SNTG1: variants seen among roughly 807,000 people sequenced by gnomAD.
SNTG1 encodes the protein gamma-1-syntrophin.
In SNTG1, 39 loss-of-function variants were observed where a neutral mutation model predicts 74.7. The ratio of observed to expected loss-of-function variants is 0.52; its 90% CI spans 0.40 to 0.68. The LOEUF (loss-of-function observed/expected upper bound fraction) is 0.68. Among genes scored for constraint, SNTG1 ranks in the 30% least tolerant of loss-of-function variants. SNTG1 has a pLI of 0.00. For synonymous variants in SNTG1, 254 were observed against 217.1 expected, an observed-to-expected ratio of 1.17 and a Z score of -1.49; for missense variants, 685 against 609.5, an observed-to-expected ratio of 1.12 and a Z score of -1.30.
At chr8:50,651,252 T>C (rs1282898646) in intron 13 of SNTG1, among the ~76,000 whole-genome samples, 3 of 151,570 alleles carry the variant, frequency 2.0e-5, no homozygotes, top group African/African-American at 7.3e-5. Context: ...GGCTTTTGGG[T>C]CTCTCCTTAT....
chr8:50,229,665 T>A (rs978718962), intron 2 of SNTG1, among the ~76,000 whole-genome samples: 6 of 151,184 alleles, frequency 4.0e-5, no homozygotes, highest in Admixed American at 1.3e-4. Flanking sequence ...CCCTTTTTTT[T>A]AAGTAACATT....
intron 1 of SNTG1, among the ~76,000 whole-genome samples, chr8:49,938,611 C>CTTTTCTT (rs71928710): frequency 2.4e-4 from 3 of 12,566 alleles, no homozygotes; most frequent in African/African-American, 3.8e-4. Flanking sequence ...TCTTTTCTTT[C>CTTTTCTT]TTTCTTTCTT....
At chr8:49,918,587 G>A (rs1352631006) in intron 1 of SNTG1, among the ~76,000 whole-genome samples, 1 of 150,258 alleles carries the variant, frequency 6.7e-6, no homozygotes, top group Non-Finnish European at 1.5e-5. Context: ...AGAATATTCT[G>A]TTGGATTTCA....
chr8:50,042,658 G>A (rs28418948), intron 1 of SNTG1, among the ~76,000 whole-genome samples: 1 of 152,076 alleles, frequency 6.6e-6, no homozygotes, highest in Admixed American at 6.5e-5. Flanking sequence ...CTGGGCTCAA[G>A]TGATCCTCCT....
chr8:50,279,721 G>T lies in SNTG1; in HGVS notation c.-28+107086G>T, dbSNP rs148777773. 4.9e-4 allele frequency among the ~76,000 whole-genome samples: 74 copies of T among 152,204 alleles called. No individual in the cohort carries two copies. The East Asian group carries it at 0.013, about 26-fold the overall frequency. Reference sequence around the variant, plus strand: ...GATGACCCAGATAAATTACTATATTGCCAGAGTAGATCTCAAAGAGGTCAC... The same window carrying T: ...GATGACCCAGATAAATTACTATATTTCCAGAGTAGATCTCAAAGAGGTCAC... On this transcript the variant is annotated intron_variant, in intron 2 of 18. Transcript: ENST00000642720.
intron 1 of SNTG1, among the ~76,000 whole-genome samples, chr8:50,023,937 C>T (rs1817043912): frequency 6.6e-6 from 1 of 152,050 alleles, no homozygotes; most frequent in Admixed American, 6.6e-5. Context: ...AGGGTTTTGG[C>T]CTCATAACCA....
intron 1 of SNTG1, among the ~76,000 whole-genome samples, chr8:49,941,183 CT>C (rs1204724654): frequency 1.3e-5 from 2 of 152,034 alleles, no homozygotes; most frequent in African/African-American, 4.8e-5. Context: ...CCCTTTGACC[CT>C]TTCCCTGCTT....
chr8:50,783,693 C>T (rs1053891872), intron 18 of SNTG1, among the ~76,000 whole-genome samples: 9 of 152,156 alleles, frequency 5.9e-5, no homozygotes, highest in South Asian at 2.1e-4. Context: ...GTGCACGGTG[C>T]GCTGCACCCA....
At chr8:50,530,760 GTTAAAA>G (rs879599170) in intron 10 of SNTG1, among the ~76,000 whole-genome samples, 17 of 152,098 alleles carry the variant, frequency 1.1e-4, no homozygotes, top group Non-Finnish European at 2.1e-4. Flanking sequence ...TTTAGTAGAA[GTTAAAA>G]TTAAACTTTG....
At chr8:50,730,546 G>A (rs948829222) in intron 17 of SNTG1, among the ~76,000 whole-genome samples, 2 of 152,252 alleles carry the variant, frequency 1.3e-5, no homozygotes, top group Middle Eastern at 3.4e-3. Flanking sequence ...TGGAACAAGA[G>A]GATGTGTTTT....
chr8:50,460,964 C>G (rs1248501287), intron 8 of SNTG1, among the ~76,000 whole-genome samples: 1 of 151,970 alleles, frequency 6.6e-6, no homozygotes, highest in African/African-American at 2.4e-5. Context: ...AAAGTTTGCA[C>G]TTTATTCAGA....
intron 14 of SNTG1, among the ~76,000 whole-genome samples, chr8:50,657,617 T>G (rs893725778): frequency 1.3e-5 from 2 of 152,158 alleles, no homozygotes; most frequent in East Asian, 1.9e-4. Context: ...CATAGGATGA[T>G]GTTAACTCTC....
intron 12 of SNTG1, among the ~76,000 whole-genome samples, chr8:50,558,027 T>G (rs1174231221): frequency 6.6e-6 from 1 of 152,160 alleles, no homozygotes; most frequent in African/African-American, 2.4e-5. Flanking sequence ...CATCACTCTC[T>G]TTGGTCTTCT....
intron 13 of SNTG1, among the ~76,000 whole-genome samples, chr8:50,608,449 G>A (rs904686808): frequency 2.0e-5 from 3 of 151,608 alleles, no homozygotes; most frequent in African/African-American, 4.8e-5. Context: ...ATCATGAAAT[G>A]TCGTTCTTTT....
At chr8:49,930,621 C>A (rs1807491269) in intron 1 of SNTG1, among the ~76,000 whole-genome samples, 1 of 151,784 alleles carries the variant, frequency 6.6e-6, no homozygotes, top group Non-Finnish European at 1.5e-5. Flanking sequence ...TGGAAATTTT[C>A]TATTTGAAAC....
At chr8:50,667,594 C>T (rs1228858941) in intron 15 of SNTG1, among the ~76,000 whole-genome samples, 1 of 151,944 alleles carries the variant, frequency 6.6e-6, no homozygotes, top group Non-Finnish European at 1.5e-5. Flanking sequence ...ATGACCTTAT[C>T]TAATTCTAAT....
At chr8:50,399,790 A>G (rs2092777848) in intron 3 of SNTG1, among the ~76,000 whole-genome samples, 1 of 152,180 alleles carries the variant, frequency 6.6e-6, no homozygotes, top group African/African-American at 2.4e-5. Flanking sequence ...TATGTTCTAT[A>G]TTAGGGAAAG....
chr8:50,230,881 A>G (rs2085586759), intron 2 of SNTG1, among the ~76,000 whole-genome samples: 1 of 151,270 alleles, frequency 6.6e-6, no homozygotes, highest in African/African-American at 2.4e-5. Context: ...CAGTCAACAA[A>G]AGCAAAAATA....
intron 2 of SNTG1, among the ~76,000 whole-genome samples, chr8:50,275,424 T>C (rs1250966928): frequency 3.3e-5 from 5 of 152,210 alleles, no homozygotes; most frequent in African/African-American, 9.6e-5. Context: ...ATGATATTTC[T>C]TTTCCTCTTC....
Sources: gnomAD v4.1 joint callset for allele counts (sites outside exome capture counted in the v4.1 genomes callset) on GRCh38, gnomAD v4.1.1 for gene constraint, MANE v1.5 for transcripts, NCBI Gene and HGNC (gene_info 2026-07-23, HGNC 2026-07-21) for gene names.